TAF4B: variants seen among roughly 807,000 people sequenced by gnomAD.
The protein encoded by TAF4B is transcription initiation factor TFIID subunit 4B.
In TAF4B, 38 loss-of-function variants were observed where a neutral mutation model predicts 86.4. The ratio of observed to expected loss-of-function variants is 0.44; its 90% CI spans 0.34 to 0.58. TAF4B has a LOEUF of 0.58. Among genes scored for constraint, TAF4B ranks in the 20% least tolerant of loss-of-function variants. The pLI is 0.02. For missense variants in TAF4B, 988 were observed against 1,027.6 expected (o/e 0.96, Z 0.53); for synonymous variants, 388 against 391.2 (o/e 0.99, Z 0.10).
At chr18:26,269,745 T>C (rs1469602691) in intron 3 of TAF4B, among the ~76,000 whole-genome samples, 1 of 152,256 alleles carries the variant, frequency 6.6e-6, no homozygotes, top group African/African-American at 2.4e-5. Context: ...GTGACTATAC[T>C]ATAAGGAAGT....
At chr18:26,291,619 A>G (rs2056594133) in intron 7 of TAF4B, among the ~76,000 whole-genome samples, 1 of 150,254 alleles carries the variant, frequency 6.7e-6, no homozygotes, top group African/African-American at 2.4e-5. Flanking sequence ...AGGCATGAGA[A>G]TCGCTTGAAC....
intron 6 of TAF4B, among the ~76,000 whole-genome samples, chr18:26,285,664 A>C (rs2056510758): frequency 6.6e-6 from 1 of 152,190 alleles, no homozygotes; most frequent in African/African-American, 2.4e-5. Flanking sequence ...TAATACTGAG[A>C]TATAGTAATT....
At chr18:26,289,688 T>C (rs1598763319) in intron 7 of TAF4B, among the ~76,000 whole-genome samples, 1 of 152,182 alleles carries the variant, frequency 6.6e-6, no homozygotes, top group African/African-American at 2.4e-5. Context: ...GGGGTTTCGC[T>C]GTGTTGCCCA....
chr18:26,260,886 T>C (rs1305740928), intron 1 of TAF4B, among the ~76,000 whole-genome samples: 2 of 152,212 alleles, frequency 1.3e-5, no homozygotes, highest in African/African-American at 4.8e-5. Flanking sequence ...ATTGTTACTC[T>C]GACATTTATT....
intron 9 of TAF4B, among the ~76,000 whole-genome samples, chr18:26,293,963 T>G (rs973275859): frequency 1.3e-5 from 2 of 152,194 alleles, no homozygotes; most frequent in African/African-American, 4.8e-5. Context: ...CTGTGTCATT[T>G]GGAATATTAG....
rs796620584 is a variant in TAF4B, at chr18:26,281,329, A to G, written c.883-642A>G. On this transcript the variant is annotated intron_variant, in intron 5 of 14. Transcript: ENST00000269142. Reference sequence around the variant, plus strand: ...CCTTGAATGCTCCTTCCACAACTTCATGAAGAAAAAACCAGATGTTCTCTG... The same window carrying G: ...CCTTGAATGCTCCTTCCACAACTTCGTGAAGAAAAAACCAGATGTTCTCTG... Among the ~76,000 whole-genome samples the G allele has an allele frequency of 1.1e-4, 17 of 152,280 alleles. 1 individual carries two copies. Among genetic ancestry groups the G allele is most frequent in the African/African-American group, 3.6e-4 (15 of 41,540 alleles).
In TAF4B at chr18:26,315,337, G is replaced by A. The variant is rs371571286; in HGVS notation, c.1941G>A (p.Gln647=). The A allele has an allele frequency of 4.5e-5, 73 of 1,613,516 alleles. No homozygotes were observed. Among genetic ancestry groups the A allele is most frequent in the Non-Finnish European group, 5.9e-5 (70 of 1,179,912 alleles). ...CTGAATTGGTTGGCACACTCATTCA[G>A]TCATGTAAAGATGAACCATTTCTTT... is the stretch of plus-strand genomic sequence containing the variant. The part of the protein sequence containing the change: ...TNSELVGTLI[Q]SCKDEPFLFI... Residue 647 remains glutamine (Q), a synonymous_variant, in exon 10 of 15, where the codon CAG becomes CAA. Transcript: ENST00000269142.
intron 14 of TAF4B, among the ~76,000 whole-genome samples, chr18:26,389,012 A>G (rs183296383): frequency 6.6e-6 from 1 of 152,182 alleles, no homozygotes; most frequent in Admixed American, 6.5e-5. Context: ...GGGTTTCACC[A>G]TGTTGGCCAG....
At chr18:26,269,934 C>A (rs2056291748) in intron 3 of TAF4B, among the ~76,000 whole-genome samples, 1 of 151,930 alleles carries the variant, frequency 6.6e-6, no homozygotes, top group African/African-American at 2.4e-5. Context: ...GATTATTGGG[C>A]CAAAGAATAT....
In TAF4B at chr18:26,265,312, G is replaced by T. The variant is rs2056224373; in HGVS notation, c.486G>T (p.Val162=). The change falls in exon 2 of 15, where the codon GTG becomes GTT. Residue 162 remains valine (V), a synonymous_variant. Transcript: ENST00000269142. ...ANPQTVKICT[V]PNSSSQLIKK... is the part of the protein sequence containing the mutation. ...CTCAAACAGTCAAAATCTGTACAGTGCCGGTAATATACCTTAAATATTTTT... is the reference window on the plus strand; with the variant it reads ...CTCAAACAGTCAAAATCTGTACAGTTCCGGTAATATACCTTAAATATTTTT... 1 of 1,597,754 alleles carries T rather than the reference G, an allele frequency of 6.3e-7. No homozygotes were observed. Among genetic ancestry groups the T allele is most frequent in the East Asian group, 2.2e-5 (1 of 44,790 alleles).
chr18:26,264,463 C>G (rs951271015), intron 1 of TAF4B, among the ~76,000 whole-genome samples: 1 of 152,068 alleles, frequency 6.6e-6, no homozygotes, highest in Non-Finnish European at 1.5e-5. Context: ...GTCAGGAATC[C>G]TCATTGGTTT....
At chr18:26,239,201 C>T (rs2055797432) in intron 1 of TAF4B, among the ~76,000 whole-genome samples, 2 of 152,296 alleles carry the variant, frequency 1.3e-5, no homozygotes, top group Admixed American at 6.5e-5. Flanking sequence ...TTTGCATTCC[C>T]ACCAACAGTG....
chr18:26,315,535 G>T, intron 10 of TAF4B, 137 bp downstream of exon 10: 1 of 533,054 alleles, frequency 1.9e-6, no homozygotes, highest in Non-Finnish European at 3.1e-6. Context: ...AAGATTTCAT[G>T]GGCATTACAG....
chr18:26,285,231 T>G (rs866942962), intron 6 of TAF4B, among the ~76,000 whole-genome samples: 1 of 125,970 alleles, frequency 7.9e-6, no homozygotes, highest in Non-Finnish European at 1.8e-5. Context: ...TGTTTTTTTT[T>G]TTTTTGGAGA....
intron 12 of TAF4B, among the ~76,000 whole-genome samples, chr18:26,328,637 T>C (rs923622181): frequency 6.6e-6 from 1 of 152,138 alleles, no homozygotes; most frequent in Admixed American, 6.5e-5. Context: ...TTTTTTTGTT[T>C]TTTGAGCAAT....
intron 9 of TAF4B, among the ~76,000 whole-genome samples, chr18:26,312,422 A>G (rs959912467): frequency 6.6e-6 from 1 of 152,092 alleles, no homozygotes; most frequent in African/African-American, 2.4e-5. Flanking sequence ...ATCTGTAACC[A>G]TGGTAACTAG....
intron 9 of TAF4B, 79 bp downstream of exon 9, chr18:26,293,610 C>CTAAA: frequency 1.2e-6 from 1 of 833,842 alleles, no homozygotes. Flanking sequence ...TAATACCTTA[C>CTAAA]TAAAATAGAT....
rs202233339 is a variant in TAF4B, at chr18:26,376,822, C to CT, written c.2422-13015dup. ...GTTAGCAGTGGGTTTCTCATAGATG[C>CT]TTTTTTTTAAGGTTGAGGAGGTTTC... On this transcript the variant is annotated intron_variant, in intron 14 of 14. Coordinates refer to ENST00000269142, the MANE Select transcript of TAF4B (RefSeq NM_005640.3). Among the ~76,000 whole-genome samples the CT allele has an allele frequency of 6.5e-3, 984 of 151,662 alleles. 14 individuals are homozygous for CT. Among genetic ancestry groups the CT allele is most frequent in the African/African-American group, 0.022 (918 of 41,400 alleles).
intron 14 of TAF4B, among the ~76,000 whole-genome samples, chr18:26,385,690 T>TC (rs1978331606): frequency 2.1e-5 from 3 of 144,812 alleles, no homozygotes; most frequent in African/African-American, 7.5e-5. Context: ...TTTTTTTTTT[T>TC]TTTTCTTCTT....
Sources: allele counts gnomAD v4.1 joint callset (sites outside exome capture counted in the v4.1 genomes callset), GRCh38; gene constraint gnomAD v4.1.1; transcripts MANE v1.5; gene names NCBI Gene and HGNC (gene_info 2026-07-23, HGNC 2026-07-21).